Variants in DACH1 observed in about 807,000 individuals in gnomAD.
DACH1 encodes dachshund family transcription factor 1.
Under a neutral mutation model 54.2 loss-of-function variants are expected in DACH1, and 12 were observed. That is an observed-to-expected ratio of 0.22 (90% CI 0.14 to 0.36). The LOEUF is 0.36. DACH1 is among the 10% of genes least tolerant of loss of function. The probability of loss-of-function intolerance (pLI) is 1.00; values close to 1 mark genes in which losing one functional copy is unlikely to be tolerated. For synonymous variants in DACH1, 386 were observed against 366.2 expected (o/e 1.05, Z -0.62); for missense variants, 805 against 929.8 (o/e 0.87, Z 1.75).
chr13:71,572,707 A>AT (rs1356622357), intron 4 of DACH1, 133 bp downstream of exon 4: 57 of 984,582 alleles, frequency 5.8e-5, no homozygotes, highest in Middle Eastern at 3.4e-4. Flanking sequence ...GCTACAAGTG[A>AT]TTTTTTTTAA....
At chr13:71,520,044 T>A (rs1404170143) in intron 6 of DACH1, among the ~76,000 whole-genome samples, 1 of 150,754 alleles carries the variant, frequency 6.6e-6, no homozygotes, top group Non-Finnish European at 1.5e-5. Flanking sequence ...ATATATAAAA[T>A]AATTTTAGCA....
At chr13:71,817,447 C>G (rs1566520126) in intron 1 of DACH1, among the ~76,000 whole-genome samples, 1 of 152,224 alleles carries the variant, frequency 6.6e-6, no homozygotes, top group Non-Finnish European at 1.5e-5. Context: ...TTATTGTTCT[C>G]TTAGAAAATG....
chr13:71,816,660 G>A (rs1398221363), intron 1 of DACH1, among the ~76,000 whole-genome samples: 25 of 23,508 alleles, frequency 1.1e-3, no homozygotes, highest in East Asian at 6.7e-3. Context: ...ATATATACAC[G>A]TGTATATATA....
rs140169876 is a variant in DACH1, at chr13:71,627,235, C to T, written c.1126+3321G>A. 3.9e-4 allele frequency among the ~76,000 whole-genome samples: 59 copies of T among 151,192 alleles called. 1 individual carries two copies. Among genetic ancestry groups the T allele is most frequent in the African/African-American group, 1.4e-3 (56 of 41,176 alleles). On this transcript the variant is annotated intron_variant, in intron 3 of 10. Transcript: ENST00000613252. The stretch of plus-strand genomic sequence containing the variant: ...GTTGTGTGATACAAATTTTTCCTGT[C>T]GTCTTACCCAGCAAATCAAACCAAA...
intron 2 of DACH1, among the ~76,000 whole-genome samples, chr13:71,656,115 G>A (rs990439799): frequency 6.6e-5 from 10 of 152,192 alleles, no homozygotes; most frequent in African/African-American, 1.2e-4. Context: ...CTGGTCTTGC[G>A]TCTTTTTTTT....
At chr13:71,505,058 G>T (rs967034478) in intron 6 of DACH1, among the ~76,000 whole-genome samples, 8 of 152,052 alleles carry the variant, frequency 5.3e-5, no homozygotes, top group Admixed American at 1.3e-4. Flanking sequence ...ACATATATTT[G>T]TTAATTAGAT....
chr13:71,659,608 A>T (rs2138648136), intron 2 of DACH1, among the ~76,000 whole-genome samples: 1 of 152,324 alleles, frequency 6.6e-6, no homozygotes, highest in Non-Finnish European at 1.5e-5. Context: ...TCTGAGTTAT[A>T]AAAATCTTAA....
intron 1 of DACH1, among the ~76,000 whole-genome samples, chr13:71,805,126 T>G (rs747878884): frequency 6.6e-6 from 1 of 152,208 alleles, no homozygotes; most frequent in Non-Finnish European, 1.5e-5. Flanking sequence ...GCGTAGAATA[T>G]TTTTAATTTC....
At chr13:71,820,105 G>GAAAAAAAAA (rs59126150) in intron 1 of DACH1, among the ~76,000 whole-genome samples, 19 of 54,120 alleles carry the variant, frequency 3.5e-4, no homozygotes, top group African/African-American at 5.7e-4. Context: ...TGCCTCTACC[G>GAAAAAAAAA]AAAAAAAAAA....
intron 4 of DACH1, among the ~76,000 whole-genome samples, chr13:71,570,146 T>C (rs1885110140): frequency 6.6e-6 from 1 of 152,178 alleles, no homozygotes; most frequent in Non-Finnish European, 1.5e-5. Context: ...TTTAGACAGG[T>C]TGATTTGTTA....
chr13:71,538,750 G>C (rs114279793), intron 6 of DACH1, among the ~76,000 whole-genome samples: 146 of 152,130 alleles, frequency 9.6e-4, no homozygotes, highest in Middle Eastern at 3.4e-3. Context: ...AATGACTGCA[G>C]TTTCAAATGC....
rs1880502442 is a variant in DACH1, at chr13:71,675,425, T to C, written c.964+6370A>G. On this transcript the variant is annotated intron_variant, in intron 2 of 10. Coordinates refer to ENST00000613252, the MANE Select transcript of DACH1 (RefSeq NM_080759.6). ...ATCCATGCCAAACGTGTAACAATTA[T>C]GCCAAAAGACATCCAGCTAGCACGC... The C allele has an allele frequency of 6.2e-6, 9 of 1,452,222 alleles. No individual in the cohort carries two copies. The Middle Eastern group carries it at 6.9e-4, about 112-fold the overall frequency. The allele number at this position is 1,452,222 out of a possible 1,614,324, so 90.0% of individuals were successfully genotyped here.
intron 10 of DACH1, chr13:71,464,577 A>G (rs1566274757): frequency 2.3e-6 from 1 of 436,508 alleles, no homozygotes; most frequent in Non-Finnish European, 4.5e-6. Context: ...TTCCTTTGAA[A>G]GATTAATTAA....
intron 3 of DACH1, among the ~76,000 whole-genome samples, chr13:71,575,962 T>C (rs1382357276): frequency 1.3e-5 from 2 of 152,068 alleles, no homozygotes; most frequent in Non-Finnish European, 2.9e-5. Context: ...GAATTGAAAA[T>C]AGGCCACTTC....
Position 71,460,231 on chromosome 13 carries a change from G to GA in DACH1, c.2083+14909dup, listed in dbSNP as rs576247316. 6.7e-4 allele frequency among the ~76,000 whole-genome samples: 102 copies of GA among 152,104 alleles called. No individual in the cohort carries two copies. In the Middle Eastern group the frequency reaches 0.014, roughly 20 times the overall value. On this transcript the variant is annotated intron_variant, in intron 10 of 10. Transcript: ENST00000613252. ...CAGAAAACAAAAATCTAGTTATACTGAAAAAACTTAAGTATATAAACATTC... is the reference window on the plus strand; with the variant it reads ...CAGAAAACAAAAATCTAGTTATACTGAAAAAAACTTAAGTATATAAACATTC...
At chr13:71,817,400 T>C (rs1888001216) in intron 1 of DACH1, among the ~76,000 whole-genome samples, 1 of 152,196 alleles carries the variant, frequency 6.6e-6, no homozygotes, top group African/African-American at 2.4e-5. Context: ...CAAGATACAA[T>C]GTGATCCTGC....
At chr13:71,515,446 T>C (rs1404994336) in intron 6 of DACH1, among the ~76,000 whole-genome samples, 2 of 151,984 alleles carry the variant, frequency 1.3e-5, no homozygotes. Flanking sequence ...ATGTCTTAAC[T>C]ATGTTCTTTC....
At chr13:71,681,727 A>G (rs1880905312) in intron 2 of DACH1, 68 bp downstream of exon 2, 1 of 1,080,864 alleles carries the variant, frequency 9.3e-7, no homozygotes, top group Admixed American at 1.8e-5. Context: ...GTCACCACAG[A>G]TATATATAAA....
intron 1 of DACH1, among the ~76,000 whole-genome samples, chr13:71,718,907 A>G (rs533689645): frequency 2.6e-5 from 4 of 152,328 alleles, no homozygotes; most frequent in Admixed American, 2.6e-4. Context: ...TCCCATTTAT[A>G]AACCATCCTA....
Sources: gnomAD v4.1 joint callset for allele counts (sites outside exome capture counted in the v4.1 genomes callset) on GRCh38, gnomAD v4.1.1 for gene constraint, MANE v1.5 for transcripts, NCBI Gene and HGNC (gene_info 2026-07-23, HGNC 2026-07-21) for gene names.